The following NELL1 variants were observed in gnomAD, a reference collection of about 807,000 sequenced individuals.
NELL1 encodes protein kinase C-binding protein NELL1.
Under a neutral mutation model 107.4 loss-of-function variants are expected in NELL1, and 76 were observed. That is an observed-to-expected ratio of 0.71 (90% CI 0.59 to 0.86). NELL1 has a LOEUF of 0.86. Ranked by LOEUF, NELL1 falls within the 40% of genes least tolerant of loss-of-function variation. NELL1 has a pLI of 0.00. For synonymous variants in NELL1, 353 were observed against 341.2 expected (o/e 1.03, Z -0.38); for missense variants, 1,024 against 1,005.5 (o/e 1.02, Z -0.25).
chr11:21,131,426 C>A (rs527363239), intron 13 of NELL1, among the ~76,000 whole-genome samples: 18 of 152,308 alleles, frequency 1.2e-4, no homozygotes, highest in African/African-American at 4.1e-4. Flanking sequence ...TTAATCCAGA[C>A]TAACATACTA....
intron 4 of NELL1, among the ~76,000 whole-genome samples, chr11:20,876,588 C>A (rs1849308388): frequency 6.6e-6 from 1 of 152,092 alleles, no homozygotes; most frequent in Non-Finnish European, 1.5e-5. Context: ...CACGGTGAAA[C>A]CCGGTCTCTA....
chr11:20,934,634 G>C (rs79341870), intron 9 of NELL1, among the ~76,000 whole-genome samples: 14 of 152,288 alleles, frequency 9.2e-5, no homozygotes, highest in African/African-American at 3.1e-4. Context: ...CTATTTCTTC[G>C]CTTCACAGCT....
At chr11:21,098,365 G>A (rs1020490768) in intron 12 of NELL1, among the ~76,000 whole-genome samples, 2 of 151,948 alleles carry the variant, frequency 1.3e-5, no homozygotes, top group African/African-American at 2.4e-5. Context: ...TTTTACCTCT[G>A]TCTCTTCTTA....
chr11:20,858,672 T>G (rs1025358188), intron 4 of NELL1, among the ~76,000 whole-genome samples: 1 of 152,106 alleles, frequency 6.6e-6, no homozygotes, highest in Non-Finnish European at 1.5e-5. Flanking sequence ...CCTAATCTTA[T>G]CCATAAACTC....
chr11:21,284,530 T>C (rs1198826254), intron 14 of NELL1: 4 of 459,228 alleles, frequency 8.7e-6, no homozygotes, highest in Non-Finnish European at 1.8e-5. Context: ...CAGCTCACCT[T>C]AGAAGACATG....
chr11:20,736,238 C>T (rs1221878712), intron 2 of NELL1, among the ~76,000 whole-genome samples: 1 of 152,036 alleles, frequency 6.6e-6, no homozygotes, highest in Non-Finnish European at 1.5e-5. Flanking sequence ...TAGAGCATGC[C>T]TTCTCACATG....
intron 4 of NELL1, among the ~76,000 whole-genome samples, chr11:20,853,943 A>G (rs1848835240): frequency 6.6e-6 from 1 of 152,060 alleles, no homozygotes; most frequent in South Asian, 2.1e-4. Flanking sequence ...TTTTTTGTTG[A>G]TCCTGGCAGG....
At chr11:20,847,432 C>A in intron 3 of NELL1, 151 bp from the exon 4 acceptor site, 1 of 719,482 alleles carries the variant, frequency 1.4e-6, no homozygotes, top group Non-Finnish European at 2.2e-6. Flanking sequence ...ATTGGGTGTC[C>A]TACAGTGAAT....
At chr11:20,753,806 T>C (rs1856198326) in intron 2 of NELL1, among the ~76,000 whole-genome samples, 1 of 152,202 alleles carries the variant, frequency 6.6e-6, no homozygotes, top group South Asian at 2.1e-4. Flanking sequence ...AGGCAGGCTG[T>C]CCCCATAGGA....
At chr11:21,419,435 A>G (rs1237762718) in intron 15 of NELL1, among the ~76,000 whole-genome samples, 1 of 152,114 alleles carries the variant, frequency 6.6e-6, no homozygotes, top group Non-Finnish European at 1.5e-5. Context: ...GAAACTTCTA[A>G]GTTGTAGATA....
chr11:21,260,997 T>C (rs1301230075), intron 14 of NELL1, among the ~76,000 whole-genome samples: 1 of 151,794 alleles, frequency 6.6e-6, no homozygotes, highest in Admixed American at 6.6e-5. Context: ...GTGGAGGTAA[T>C]ATTAAAGAAC....
chr11:21,061,703 G>C (rs914923062), intron 12 of NELL1, among the ~76,000 whole-genome samples: 16 of 152,078 alleles, frequency 1.1e-4, no homozygotes, highest in African/African-American at 3.9e-4. Context: ...AGTCTTCGCT[G>C]ATACTTCGGA....
At chr11:20,737,083 C>T (rs1855779295) in intron 2 of NELL1, among the ~76,000 whole-genome samples, 1 of 152,032 alleles carries the variant, frequency 6.6e-6, no homozygotes, top group Non-Finnish European at 1.5e-5. Context: ...CTCTCCTCTC[C>T]AGTCCTGTGT....
intron 12 of NELL1, among the ~76,000 whole-genome samples, chr11:20,997,724 T>G (rs7926032): frequency 0.044 from 6,719 of 152,272 alleles, 485 homozygotes; most frequent in African/African-American, 0.15. Context: ...CACGGTGGCT[T>G]ACGCCTGTAA....
chr11:21,078,015 C>T (rs1194375099), intron 12 of NELL1, among the ~76,000 whole-genome samples: 1 of 151,924 alleles, frequency 6.6e-6, no homozygotes, highest in Non-Finnish European at 1.5e-5. Flanking sequence ...GAACACAAGG[C>T]TCCAGGTAAC....
At chr11:20,673,073 G>T (rs1159512092) in intron 1 of NELL1, among the ~76,000 whole-genome samples, 2 of 149,744 alleles carry the variant, frequency 1.3e-5, no homozygotes, top group Non-Finnish European at 3.0e-5. Context: ...TATTGGTCAG[G>T]CTGGTCTCGA....
chr11:21,464,897 T>G (rs1853989028), intron 15 of NELL1, among the ~76,000 whole-genome samples: 1 of 152,144 alleles, frequency 6.6e-6, no homozygotes, highest in South Asian at 2.1e-4. Flanking sequence ...AATACTGCCA[T>G]TCACTGGCCT....
intron 5 of NELL1, among the ~76,000 whole-genome samples, chr11:20,912,749 T>A (rs931186826): frequency 6.6e-6 from 1 of 152,178 alleles, no homozygotes; most frequent in Non-Finnish European, 1.5e-5. Flanking sequence ...TACAACTTTT[T>A]AAAAATTCCA....
chr11:21,467,556 G>A (rs999131971), intron 15 of NELL1, among the ~76,000 whole-genome samples: 6 of 152,130 alleles, frequency 3.9e-5, no homozygotes, highest in East Asian at 1.9e-4. Flanking sequence ...CCAAGGGTAA[G>A]AATCTAACTG....
Sources: gnomAD v4.1 joint callset for allele counts (sites outside exome capture counted in the v4.1 genomes callset) on GRCh38, gnomAD v4.1.1 for gene constraint, MANE v1.5 for transcripts, NCBI Gene and HGNC (gene_info 2026-07-23, HGNC 2026-07-21) for gene names.